KCNMA1: variants seen among roughly 807,000 people sequenced by gnomAD.
The protein encoded by KCNMA1 is potassium calcium-activated channel subfamily M alpha 1.
Under a neutral mutation model 140.0 loss-of-function variants are expected in KCNMA1, and 29 were observed. The ratio of observed to expected loss-of-function variants is 0.21; its 90% confidence interval spans 0.15 to 0.28. The LOEUF is 0.28. KCNMA1 is among the 10% of genes least tolerant of loss of function. The pLI is 1.00. For missense variants in KCNMA1, 880 were observed against 1,602.2 expected (o/e 0.55, Z 7.70); for synonymous variants, 612 against 611.9 (o/e 1.00, Z 0.00).
At chr10:77,118,921 A>G (rs764680769) in intron 6 of KCNMA1, among the ~76,000 whole-genome samples, 8 of 152,236 alleles carry the variant, frequency 5.3e-5, no homozygotes, top group Non-Finnish European at 1.2e-4. Flanking sequence ...CATAAGTGAA[A>G]GGAACTCTGA....
intron 20 of KCNMA1, among the ~76,000 whole-genome samples, chr10:76,963,397 G>A (rs141814377): frequency 6.6e-5 from 10 of 152,264 alleles, no homozygotes; most frequent in South Asian, 4.2e-4. Context: ...AGGTGATTCC[G>A]ACACCTGCTA....
intron 26 of KCNMA1, 108 bp from the exon 27 acceptor site, chr10:76,889,677 A>T: frequency 1.1e-6 from 1 of 888,564 alleles, no homozygotes; most frequent in Non-Finnish European, 1.9e-6. Flanking sequence ...GGTGTCTCCC[A>T]AGTTGGAGGG....
At chr10:77,613,244 G>A (rs901177831) in intron 1 of KCNMA1, among the ~76,000 whole-genome samples, 2 of 152,104 alleles carry the variant, frequency 1.3e-5, no homozygotes, top group African/African-American at 4.8e-5. Context: ...TAGCTCCCTG[G>A]ACCCAACCTT....
At chr10:77,351,951 A>G (rs932447476) in intron 2 of KCNMA1, among the ~76,000 whole-genome samples, 3 of 152,250 alleles carry the variant, frequency 2.0e-5, no homozygotes, top group Admixed American at 6.5e-5. Context: ...GTCCACAACA[A>G]GAACATTTCA....
At position 76,885,289 on chromosome 10, in the gene KCNMA1, A is replaced by G; in HGVS notation, c.*1977T>C. Reference sequence around the variant, plus strand: ...TTATATAAAGAGATAGTTATACATAATATAAATCAATATATAGAGGGACAA... The same window carrying G: ...TTATATAAAGAGATAGTTATACATAGTATAAATCAATATATAGAGGGACAA... On this transcript the variant is annotated 3_prime_UTR_variant, in exon 28 of 28. Coordinates refer to ENST00000286628, the MANE Select transcript of KCNMA1 (RefSeq NM_001161352.2). 1.1e-5 allele frequency: 8 copies of G among 697,792 alleles called. No individual in the cohort carries two copies. The highest frequency in any genetic ancestry group is 1.1e-5 in the Non-Finnish European group (6 of 569,030). 43.2% of individuals were successfully genotyped at this position (697,792 alleles called of 1,614,324 possible).
rs149798951 is a variant in KCNMA1, at chr10:77,253,529, G to A, written c.541-2273C>T. Among the ~76,000 whole-genome samples, 309 of 152,324 alleles carry A rather than the reference G, an allele frequency of 2.0e-3. 1 individual carries two copies. The highest frequency in any genetic ancestry group is 6.8e-3 in the Admixed American group (104 of 15,306). ...CTTGGAGTCAGTGATGGGGACTAATGCATTCCTTATTTAAGCAAATCAGCC... is the reference window on the plus strand; with the variant it reads ...CTTGGAGTCAGTGATGGGGACTAATACATTCCTTATTTAAGCAAATCAGCC... On this transcript the variant is annotated intron_variant, in intron 2 of 27. Coordinates refer to ENST00000286628, the MANE Select transcript of KCNMA1 (RefSeq NM_001161352.2).
At chr10:77,066,515 G>A (rs2095956603) in intron 14 of KCNMA1, among the ~76,000 whole-genome samples, 1 of 152,214 alleles carries the variant, frequency 6.6e-6, no homozygotes, top group Non-Finnish European at 1.5e-5. Context: ...AGTCTGAGAG[G>A]AGATGGGGTA....
At chr10:76,947,398 C>T (rs962947213) in intron 22 of KCNMA1, among the ~76,000 whole-genome samples, 5 of 151,998 alleles carry the variant, frequency 3.3e-5, no homozygotes, top group Admixed American at 6.6e-5. Flanking sequence ...GAAACATACA[C>T]AAACACACAA....
At chr10:77,356,168 C>A (rs2093463006) in intron 2 of KCNMA1, among the ~76,000 whole-genome samples, 3 of 152,172 alleles carry the variant, frequency 2.0e-5, no homozygotes, top group Non-Finnish European at 4.4e-5. Context: ...AAACCCAGCA[C>A]AAGCACATAG....
chr10:77,102,162 G>A (rs1595973938), intron 9 of KCNMA1, among the ~76,000 whole-genome samples: 1 of 152,184 alleles, frequency 6.6e-6, no homozygotes, highest in African/African-American at 2.4e-5. Context: ...ATGAAGGCAT[G>A]ACTCGTGTTA....
At position 77,198,870 on chromosome 10, in the gene KCNMA1, T is replaced by C. The variant is rs886251273; in HGVS notation, c.603-13954A>G. Among the ~76,000 whole-genome samples, 3 of 152,136 alleles carry C rather than the reference T, an allele frequency of 2.0e-5. No homozygotes were observed. The East Asian group carries it at 5.8e-4, about 29-fold the overall frequency. On this transcript the variant is annotated intron_variant, in intron 3 of 27. Coordinates refer to ENST00000286628, the MANE Select transcript of KCNMA1 (RefSeq NM_001161352.2). ...AGGGGAAGAGCAAGCCCCGTGCTTA[T>C]AAATTACTCCTTCTAAAATGTTCTC...
chr10:77,384,016 C>T (rs2095518160), intron 2 of KCNMA1, among the ~76,000 whole-genome samples: 2 of 152,244 alleles, frequency 1.3e-5, no homozygotes, highest in South Asian at 4.1e-4. Context: ...TGTGCGTCAC[C>T]ATCAGCTCTC....
At chr10:76,949,530 C>T (rs2065444548) in intron 21 of KCNMA1, 164 bp from the exon 22 acceptor site, 2 of 678,354 alleles carry the variant, frequency 2.9e-6, no homozygotes, top group Non-Finnish European at 5.3e-6. Context: ...CCATATAGAG[C>T]TATAATTTGA....
chr10:77,106,718 T>C (rs548404206), intron 9 of KCNMA1, among the ~76,000 whole-genome samples: 1 of 152,192 alleles, frequency 6.6e-6, no homozygotes, highest in South Asian at 2.1e-4. Context: ...TATGGAGACC[T>C]GTCCACACCT....
chr10:77,512,488 A>T (rs1406368303), intron 1 of KCNMA1, among the ~76,000 whole-genome samples: 1 of 152,214 alleles, frequency 6.6e-6, no homozygotes, highest in African/African-American at 2.4e-5. Context: ...TATTGCAGAT[A>T]TGCCTGTGTA....
intron 2 of KCNMA1, among the ~76,000 whole-genome samples, chr10:77,260,444 C>T (rs770593922): frequency 1.3e-5 from 2 of 152,200 alleles, no homozygotes; most frequent in African/African-American, 4.8e-5. Flanking sequence ...CATGGTGGCT[C>T]ATGTCTGTAA....
At chr10:77,563,702 T>C (rs1355645073) in intron 1 of KCNMA1, among the ~76,000 whole-genome samples, 1 of 152,186 alleles carries the variant, frequency 6.6e-6, no homozygotes, top group Non-Finnish European at 1.5e-5. Flanking sequence ...ACCTCCGGAA[T>C]TCTAGCCACA....
chr10:77,464,704 C>T (rs987848104), intron 1 of KCNMA1, among the ~76,000 whole-genome samples: 27 of 152,126 alleles, frequency 1.8e-4, no homozygotes, highest in African/African-American at 6.3e-4. Context: ...GCTCCCGGCC[C>T]TCTAAGAGAA....
At chr10:77,256,075 T>C (rs1023202052) in intron 2 of KCNMA1, among the ~76,000 whole-genome samples, 1 of 152,104 alleles carries the variant, frequency 6.6e-6, no homozygotes, top group Admixed American at 6.6e-5. Flanking sequence ...TGAAAGTTCA[T>C]GAAAATGGAC....
Sources: gnomAD v4.1 joint callset for allele counts (sites outside exome capture counted in the v4.1 genomes callset) on GRCh38, gnomAD v4.1.1 for gene constraint, MANE v1.5 for transcripts, NCBI Gene and HGNC (gene_info 2026-07-23, HGNC 2026-07-21) for gene names.